RASGRF2: variants seen among roughly 807,000 people sequenced by gnomAD.
RASGRF2 encodes ras-specific guanine nucleotide-releasing factor 2.
In RASGRF2, 76 loss-of-function variants were observed where a neutral mutation model predicts 151.0. The observed-to-expected ratio is 0.50, with a 90% confidence interval of 0.42 to 0.61. RASGRF2 has a LOEUF of 0.61. Ranked by LOEUF, RASGRF2 falls within the 20% of genes least tolerant of loss-of-function variation. The pLI, the probability that RASGRF2 is intolerant of heterozygous loss-of-function variation, is 0.00. For synonymous variants in RASGRF2, 504 were observed against 566.5 expected (o/e 0.89, Z 1.57); for missense variants, 1,148 against 1,564.6 (o/e 0.73, Z 4.49).
chr5:81,029,797 T>C (rs1343926015), intron 1 of RASGRF2, among the ~76,000 whole-genome samples: 2 of 152,230 alleles, frequency 1.3e-5, no homozygotes, highest in African/African-American at 4.8e-5. Flanking sequence ...GGACAGAGAA[T>C]GACTTTGATG....
chr5:81,127,224 G>A (rs1580341568), intron 17 of RASGRF2, 61 bp downstream of exon 17: 2 of 1,498,982 alleles, frequency 1.3e-6, no homozygotes, highest in Non-Finnish European at 1.8e-6. Context: ...AGTGGCCCGT[G>A]TCTGCCAGTG....
intron 2 of RASGRF2, among the ~76,000 whole-genome samples, chr5:81,053,970 G>A (rs932012486): frequency 2.0e-5 from 3 of 152,216 alleles, no homozygotes; most frequent in Non-Finnish European, 2.9e-5. Context: ...TGTTGATGGG[G>A]TTGTTTGTTT....
intron 2 of RASGRF2, among the ~76,000 whole-genome samples, chr5:81,055,614 G>T (rs1256230640): frequency 6.6e-6 from 1 of 152,180 alleles, no homozygotes; most frequent in Non-Finnish European, 1.5e-5. Flanking sequence ...GTCTCTGCCA[G>T]GCTTTGGTAT....
chr5:81,121,567 A>C (rs1485144683), intron 15 of RASGRF2, among the ~76,000 whole-genome samples: 1 of 152,242 alleles, frequency 6.6e-6, no homozygotes, highest in Non-Finnish European at 1.5e-5. Context: ...CTTTAAAATG[A>C]GTGAGGCAAT....
intron 1 of RASGRF2, among the ~76,000 whole-genome samples, chr5:80,975,513 A>C (rs902996399): frequency 2.6e-5 from 4 of 152,178 alleles, no homozygotes; most frequent in Non-Finnish European, 4.4e-5. Context: ...CTTACCTGTT[A>C]ATTACTTCTA....
At chr5:81,048,128 A>G (rs570207097) in intron 2 of RASGRF2, among the ~76,000 whole-genome samples, 67 of 152,322 alleles carry the variant, frequency 4.4e-4, no homozygotes, top group Admixed American at 8.5e-4. Context: ...AAAATGTTTC[A>G]TGTGTCACAG....
At chr5:81,006,911 G>A (rs964272699) in intron 1 of RASGRF2, among the ~76,000 whole-genome samples, 1 of 152,102 alleles carries the variant, frequency 6.6e-6, no homozygotes, top group East Asian at 1.9e-4. Flanking sequence ...TGTTCTGCGG[G>A]CCCACGAGAC....
At chr5:81,174,787 T>C (rs1754736337) in intron 17 of RASGRF2, among the ~76,000 whole-genome samples, 2 of 152,238 alleles carry the variant, frequency 1.3e-5, no homozygotes, top group Admixed American at 1.3e-4. Context: ...GAAATCTAAG[T>C]TCCCATTAGA....
Position 81,004,090 on chromosome 5 carries a change from C to T in RASGRF2, c.289-38787C>T, listed in dbSNP as rs116606362. 5.7e-3 allele frequency among the ~76,000 whole-genome samples: 874 copies of T among 152,292 alleles called. 5 individuals carry two copies. The highest frequency in any genetic ancestry group is 0.02 in the African/African-American group (850 of 41,574). On this transcript the variant is annotated intron_variant, in intron 1 of 26. Transcript: ENST00000265080. Reference sequence around the variant, plus strand: ...CCCTGCCCCAGAGCTGTTGTTGATACGTGAACTGGGAGTTGACTTCTGTGC... The same window carrying T: ...CCCTGCCCCAGAGCTGTTGTTGATATGTGAACTGGGAGTTGACTTCTGTGC...
At chr5:81,198,072 A>G (rs1755306575) in intron 18 of RASGRF2, among the ~76,000 whole-genome samples, 1 of 151,972 alleles carries the variant, frequency 6.6e-6, no homozygotes, top group African/African-American at 2.4e-5. Flanking sequence ...TTTAACGTGT[A>G]TTCTCTCTCT....
chr5:81,055,489 T>C (rs2112423680), intron 2 of RASGRF2, among the ~76,000 whole-genome samples: 1 of 152,306 alleles, frequency 6.6e-6, no homozygotes, highest in Non-Finnish European at 1.5e-5. Context: ...CACTTGATCA[T>C]GGTGGATAAG....
rs189988516 is a variant in RASGRF2 at position 80,994,226 on chromosome 5, C to T, written c.288+33200C>T. Among the ~76,000 whole-genome samples the T allele has an allele frequency of 4.5e-3, 677 of 151,864 alleles. 1 individual carries two copies. Among genetic ancestry groups the T allele is most frequent in the South Asian group, 0.013 (63 of 4,784 alleles). On this transcript the variant is annotated intron_variant, in intron 1 of 26. Transcript: ENST00000265080. ...TAAAAATACAAAAAAATTAGCCAGG[C>T]GTGGTGGTAGGCGCCTGTAGTCCCA...
At chr5:81,113,439 A>G in intron 14 of RASGRF2, 99 bp from the exon 15 acceptor site, 1 of 1,361,836 alleles carries the variant, frequency 7.3e-7, no homozygotes. Flanking sequence ...GTGCAATGAG[A>G]TTGTGACCTA....
chr5:81,021,092 G>A (rs976474123), intron 1 of RASGRF2, among the ~76,000 whole-genome samples: 3 of 152,186 alleles, frequency 2.0e-5, no homozygotes, highest in African/African-American at 7.2e-5. Context: ...GGAGTATGGT[G>A]TGCATTGGAA....
chr5:80,988,824 A>C (rs1275865366), intron 1 of RASGRF2, among the ~76,000 whole-genome samples: 1 of 152,252 alleles, frequency 6.6e-6, no homozygotes, highest in Non-Finnish European at 1.5e-5. Flanking sequence ...CATTATGTAT[A>C]GTTTGTACAT....
At chr5:81,029,320 G>T (rs379289) in intron 1 of RASGRF2, among the ~76,000 whole-genome samples, 120,040 of 152,170 alleles carry the variant, frequency 0.79, 47,786 homozygotes, top group Middle Eastern at 0.93. Flanking sequence ...CAGCACACAG[G>T]TTGAGATCTG....
intron 17 of RASGRF2, among the ~76,000 whole-genome samples, chr5:81,153,101 C>G (rs1754173781): frequency 6.6e-6 from 1 of 152,070 alleles, no homozygotes; most frequent in Non-Finnish European, 1.5e-5. Context: ...TTATTTAACA[C>G]TAAAGAAGGC....
chr5:81,130,731 A>T (rs1753595131), intron 17 of RASGRF2, among the ~76,000 whole-genome samples: 1 of 122,352 alleles, frequency 8.2e-6, no homozygotes, highest in Non-Finnish European at 1.7e-5. Flanking sequence ...GCCAGCCCGG[A>T]TGCATCCAGG....
intron 12 of RASGRF2, 148 bp downstream of exon 12, chr5:81,095,140 C>G (rs2112506327): frequency 1.8e-6 from 1 of 553,682 alleles, no homozygotes; most frequent in East Asian, 3.5e-5. Context: ...TCTTGATAAG[C>G]TGTGATCATT....
Sources: allele counts gnomAD v4.1 joint callset (sites outside exome capture counted in the v4.1 genomes callset), GRCh38; gene constraint gnomAD v4.1.1; transcripts MANE v1.5; gene names NCBI Gene and HGNC (gene_info 2026-07-23, HGNC 2026-07-21).